Variants in METTL15 observed in about 807,000 individuals in gnomAD.
The protein encoded by METTL15 is methyltransferase 15, mitochondrial 12S rRNA N4-cytidine.
A neutral mutation model predicts 38.3 loss-of-function variants in METTL15; 34 were observed. That is an observed-to-expected ratio of 0.89 (90% CI 0.68 to 1.18). The LOEUF is 1.18. Among genes scored for constraint, METTL15 ranks in the 50% most tolerant of loss-of-function variants. The pLI, the probability that METTL15 is intolerant of heterozygous loss-of-function variation, is 0.00. For synonymous variants in METTL15, 162 were observed against 170.9 expected (o/e 0.95, Z 0.41); for missense variants, 438 against 498.4 (o/e 0.88, Z 1.15).
At chr11:28,290,834 CAGTA>C (rs746673684) in intron 5 of METTL15, among the ~76,000 whole-genome samples, 12 of 150,706 alleles carry the variant, frequency 8.0e-5, no homozygotes, top group African/African-American at 2.2e-4. Flanking sequence ...TCCTAGAAGT[CAGTA>C]AGTGTGTTTT....
chr11:28,384,588 G>A (rs1215256375), intron 5 of METTL15, among the ~76,000 whole-genome samples: 1 of 152,048 alleles, frequency 6.6e-6, no homozygotes, highest in African/African-American at 2.4e-5. Context: ...GTGGTTACAG[G>A]CATGAGCCAC....
At chr11:28,308,567 T>G (rs1328315646) in intron 6 of METTL15, among the ~76,000 whole-genome samples, 2 of 152,186 alleles carry the variant, frequency 1.3e-5, no homozygotes, top group Non-Finnish European at 2.9e-5. Context: ...AAAGAACAGA[T>G]AGTTCTTGAA....
intron 4 of METTL15, among the ~76,000 whole-genome samples, chr11:28,236,415 C>T (rs985228819): frequency 5.3e-5 from 8 of 152,058 alleles, no homozygotes; most frequent in Non-Finnish European, 8.8e-5. Context: ...TGGTAGAATT[C>T]GGCTATGAAT....
intron 3 of METTL15, among the ~76,000 whole-genome samples, chr11:28,194,891 C>T (rs898336860): frequency 2.0e-5 from 3 of 151,680 alleles, no homozygotes; most frequent in Non-Finnish European, 4.4e-5. Context: ...TTCGTTATAC[C>T]CCTCTGTCTG....
At chr11:28,490,892 T>C (rs1463129115) in intron 6 of METTL15, among the ~76,000 whole-genome samples, 3 of 152,122 alleles carry the variant, frequency 2.0e-5, no homozygotes, top group East Asian at 3.9e-4. Context: ...TGTATAAAGA[T>C]AGAGACACTC....
intron 5 of METTL15, among the ~76,000 whole-genome samples, chr11:28,373,647 A>G (rs1258381390): frequency 6.6e-6 from 1 of 152,202 alleles, no homozygotes; most frequent in East Asian, 1.9e-4. Context: ...TAGTTTAATT[A>G]GAAGCAATTT....
At chr11:28,450,408 TTC>T (rs1370677363) in intron 6 of METTL15, among the ~76,000 whole-genome samples, 1 of 152,240 alleles carries the variant, frequency 6.6e-6, no homozygotes, top group African/African-American at 2.4e-5. Context: ...AAAATAAATT[TTC>T]TTTTTCTAAT....
intron 5 of METTL15, among the ~76,000 whole-genome samples, chr11:28,383,836 A>G (rs748463466): frequency 2.0e-4 from 31 of 152,206 alleles, no homozygotes; most frequent in Non-Finnish European, 2.6e-4. Context: ...TTTTAAGTTC[A>G]GGGATGCACA....
intron 5 of METTL15, among the ~76,000 whole-genome samples, chr11:28,388,902 A>G (rs975453766): frequency 2.0e-5 from 3 of 151,950 alleles, no homozygotes; most frequent in Non-Finnish European, 4.4e-5. Flanking sequence ...TCATTGTTCA[A>G]TTCCCACCTA....
At chr11:28,226,597 G>A (rs924395813) in intron 4 of METTL15, among the ~76,000 whole-genome samples, 1 of 151,682 alleles carries the variant, frequency 6.6e-6, no homozygotes, top group Non-Finnish European at 1.5e-5. Flanking sequence ...ATTTACACAG[G>A]AAGCCAGAGC....
intron 3 of METTL15, among the ~76,000 whole-genome samples, chr11:28,141,818 C>T (rs1297115582): frequency 2.6e-5 from 4 of 152,170 alleles, no homozygotes; most frequent in Non-Finnish European, 2.9e-5. Context: ...AATTTAGGTC[C>T]TTACCATAAT....
At chr11:28,334,183 T>C (rs906467397), downstream of METTL15, among the ~76,000 whole-genome samples, 25 of 152,040 alleles carry the variant, frequency 1.6e-4, no homozygotes, top group Middle Eastern at 3.3e-3. Flanking sequence ...TCCCTCTTTT[T>C]ATATACCATC....
chr11:28,463,067 A>G (rs1419927681), intron 6 of METTL15, among the ~76,000 whole-genome samples: 1 of 152,120 alleles, frequency 6.6e-6, no homozygotes, highest in Non-Finnish European at 1.5e-5. Flanking sequence ...GTGTTAGAGG[A>G]GGGTGACAAG....
At chr11:28,252,589 A>G (rs1854792079) in intron 4 of METTL15, among the ~76,000 whole-genome samples, 3 of 152,106 alleles carry the variant, frequency 2.0e-5, no homozygotes, top group African/African-American at 7.2e-5. Context: ...TCTTCACTTA[A>G]GCACTGAATC....
At chr11:28,222,163 G>GAGGC (rs1410795942) in intron 4 of METTL15, among the ~76,000 whole-genome samples, 1 of 152,218 alleles carries the variant, frequency 6.6e-6, no homozygotes, top group Non-Finnish European at 1.5e-5. Context: ...GGAGCCTACA[G>GAGGC]AGGCAGGCAG....
chr11:28,353,931 CAAAAAAAAAAAAA>C (rs374097845), intron 4 of METTL15, among the ~76,000 whole-genome samples: 1 of 46,354 alleles, frequency 2.2e-5, no homozygotes, highest in African/African-American at 8.6e-5. Flanking sequence ...GACTCCGTCT[CAAAAAAAAAAAAA>C]AAAAAAAAAG....
At chr11:28,356,059 G>A (rs1209765550) in intron 4 of METTL15, among the ~76,000 whole-genome samples, 1 of 152,110 alleles carries the variant, frequency 6.6e-6, no homozygotes, top group Non-Finnish European at 1.5e-5. Context: ...GGCTACTAGG[G>A]AACATATAAT....
At chr11:28,207,370 G>T (rs897503842) in intron 3 of METTL15, among the ~76,000 whole-genome samples, 1 of 152,112 alleles carries the variant, frequency 6.6e-6, no homozygotes, top group Non-Finnish European at 1.5e-5. Flanking sequence ...AGATAATCAT[G>T]TGGTTTTTGT....
Position 28,470,235 on chromosome 11 carries a change from C to T in METTL15, c.*424+45871C>T, listed in dbSNP as rs1851291726. ...CCCCCTTGCTCAGTCCTCTTACCCCCTTATACTGGGGACTGCATATATTGG... is the reference window on the plus strand; with the variant it reads ...CCCCCTTGCTCAGTCCTCTTACCCCTTTATACTGGGGACTGCATATATTGG... On this transcript the variant is annotated intron_variant and NMD_transcript_variant, in intron 6 of 7. Coordinates refer to the METTL15 transcript ENST00000532947. 2.0e-5 allele frequency among the ~76,000 whole-genome samples: 3 copies of T among 152,078 alleles called. No individual in the cohort carries two copies. In the South Asian group the frequency reaches 6.2e-4, roughly 32 times the overall value.
Sources: allele counts gnomAD v4.1 joint callset (sites outside exome capture counted in the v4.1 genomes callset), GRCh38; gene constraint gnomAD v4.1.1; transcripts MANE v1.5; gene names NCBI Gene and HGNC (gene_info 2026-07-23, HGNC 2026-07-21).